Variants in KIAA1217 observed in about 807,000 individuals in gnomAD.
KIAA1217 encodes the protein sickle tail protein homolog.
In KIAA1217, 88 loss-of-function variants were observed where a neutral mutation model predicts 163.9. That is an observed-to-expected ratio of 0.54 (90% CI 0.45 to 0.64). KIAA1217 has a LOEUF of 0.64. Among genes scored for constraint, KIAA1217 ranks in the 30% least tolerant of loss-of-function variants. The pLI is 0.00. For missense variants in KIAA1217, 2,372 were observed against 2,475.0 expected (o/e 0.96, Z 0.88); for synonymous variants, 903 against 923.1 (o/e 0.98, Z 0.39).
chr10:23,924,962 A>T (rs1448717184), intron 1 of KIAA1217, among the ~76,000 whole-genome samples: 2 of 152,012 alleles, frequency 1.3e-5, no homozygotes, highest in East Asian at 3.8e-4. Context: ...ACTTAAAAAA[A>T]AATCCAGTAG....
At chr10:24,101,204 G>A (rs1276353088) in intron 2 of KIAA1217, among the ~76,000 whole-genome samples, 1 of 152,206 alleles carries the variant, frequency 6.6e-6, no homozygotes, top group African/African-American at 2.4e-5. Context: ...AAGCACTCCT[G>A]TGTTAACAGC....
At chr10:24,175,912 A>G (rs1204101533) in intron 2 of KIAA1217, among the ~76,000 whole-genome samples, 1 of 152,194 alleles carries the variant, frequency 6.6e-6, no homozygotes, top group African/African-American at 2.4e-5. Context: ...GTTACAGCTC[A>G]TAAAGGCAGT....
In KIAA1217 at chr10:23,887,771, T is replaced by A. The variant is rs1253138836; in HGVS notation, c.-320-119454T>A. Among the ~76,000 whole-genome samples, 3 of 151,880 alleles carry A rather than the reference T, an allele frequency of 2.0e-5. No homozygotes were observed. The South Asian group carries it at 6.2e-4, about 31-fold the overall frequency. On this transcript the variant is annotated intron_variant, in intron 1 of 18. Transcript: ENST00000376462. ...GTCTCACTCTTTCCCCCAAGATGGA[T>A]TGCAGTGGCACAATCTCAGCTCACT...
chr10:24,371,317 A>G (rs1002643393), intron 2 of KIAA1217, among the ~76,000 whole-genome samples: 3 of 152,062 alleles, frequency 2.0e-5, no homozygotes, highest in Non-Finnish European at 2.9e-5. Flanking sequence ...TCTTCAAGGG[A>G]AAAAAAAGAA....
At chr10:23,811,979 G>A (rs192290128) in intron 1 of KIAA1217, among the ~76,000 whole-genome samples, 1 of 152,122 alleles carries the variant, frequency 6.6e-6, no homozygotes, top group African/African-American at 2.4e-5. Flanking sequence ...CAGCTGTTTG[G>A]GGGGCTGAGG....
chr10:24,035,083 G>A (rs998277468), intron 2 of KIAA1217, among the ~76,000 whole-genome samples: 2 of 152,220 alleles, frequency 1.3e-5, no homozygotes, highest in African/African-American at 2.4e-5. Flanking sequence ...GTCGAGAAGA[G>A]GGCAGATTCT....
At chr10:24,272,280 A>G (rs1248485211) in intron 2 of KIAA1217, among the ~76,000 whole-genome samples, 1 of 152,240 alleles carries the variant, frequency 6.6e-6, no homozygotes, top group Non-Finnish European at 1.5e-5. Flanking sequence ...ACTCTGGACT[A>G]GTAGCTAGGA....
chr10:23,832,266 A>G (rs1838241228), intron 1 of KIAA1217, among the ~76,000 whole-genome samples: 1 of 152,224 alleles, frequency 6.6e-6, no homozygotes, highest in Non-Finnish European at 1.5e-5. Context: ...TTACTGGTCT[A>G]TTATAAAGAT....
rs138629578 is a variant in KIAA1217, at chr10:24,440,234, G to A, written c.846+1755G>A. On this transcript the variant is annotated intron_variant, in intron 5 of 20. Transcript: ENST00000376454. Reference sequence around the variant, plus strand: ...AGTTATACTTTATGTGTAAACCAGAGCCACATGGAGACAGATTGAGTCATG... The same window carrying A: ...AGTTATACTTTATGTGTAAACCAGAACCACATGGAGACAGATTGAGTCATG... Among the ~76,000 whole-genome samples the A allele has an allele frequency of 8.7e-4, 132 of 152,316 alleles. 2 individuals are homozygous for A. The highest frequency in any genetic ancestry group is 3.0e-3 in the African/African-American group (125 of 41,566).
intron 2 of KIAA1217, among the ~76,000 whole-genome samples, chr10:24,024,592 A>G (rs1847864696): frequency 6.6e-6 from 1 of 151,666 alleles, no homozygotes; most frequent in South Asian, 2.1e-4. Flanking sequence ...CTAGTTGTAG[A>G]ATTGCTGGGT....
chr10:24,457,726 C>A lies in KIAA1217; in HGVS notation c.847-15502C>A, dbSNP rs567713860. On this transcript the variant is annotated intron_variant, in intron 5 of 20. Transcript: ENST00000376454. The stretch of plus-strand genomic sequence containing the variant: ...CCCTAATCATGAACTTTGAAAAGTG[C>A]TCCATAGATTACAAAGCATTTTCTT... 5.3e-5 allele frequency among the ~76,000 whole-genome samples: 8 copies of A among 152,236 alleles called. No individual in the cohort carries two copies. In the South Asian group the frequency reaches 1.5e-3, roughly 28 times the overall value.
chr10:24,463,326 G>A (rs1386133049), intron 5 of KIAA1217, among the ~76,000 whole-genome samples: 1 of 152,320 alleles, frequency 6.6e-6, no homozygotes, highest in East Asian at 1.9e-4. Context: ...GCTCAGTAGA[G>A]TTCCTCTGTC....
intron 2 of KIAA1217, among the ~76,000 whole-genome samples, chr10:24,333,221 C>T (rs1267433564): frequency 6.6e-6 from 1 of 152,024 alleles, no homozygotes; most frequent in Non-Finnish European, 1.5e-5. Context: ...AACGGGGTCT[C>T]GCCATATTGG....
At chr10:23,892,653 G>T (rs901494251) in intron 1 of KIAA1217, among the ~76,000 whole-genome samples, 9 of 151,908 alleles carry the variant, frequency 5.9e-5, no homozygotes, top group Admixed American at 5.9e-4. Context: ...TTTGCACAGT[G>T]TAGCTCATTT....
chr10:24,374,973 C>T (rs1184178234), intron 2 of KIAA1217, among the ~76,000 whole-genome samples: 1 of 152,062 alleles, frequency 6.6e-6, no homozygotes, highest in Non-Finnish European at 1.5e-5. Context: ...TTTGTAGAGA[C>T]AGAGTCTCAA....
chr10:24,352,662 A>T (rs149952775), intron 2 of KIAA1217, among the ~76,000 whole-genome samples: 2 of 152,268 alleles, frequency 1.3e-5, no homozygotes, highest in African/African-American at 4.8e-5. Context: ...CTGCTTCTTG[A>T]TGACAGGCAA....
At chr10:23,944,712 G>A (rs542168043) in intron 1 of KIAA1217, among the ~76,000 whole-genome samples, 10 of 152,118 alleles carry the variant, frequency 6.6e-5, no homozygotes, top group Non-Finnish European at 1.0e-4. Context: ...AACTGGAACC[G>A]TCATGCATTG....
intron 2 of KIAA1217, among the ~76,000 whole-genome samples, chr10:24,038,661 G>A (rs976301037): frequency 9.9e-5 from 15 of 151,984 alleles, no homozygotes; most frequent in African/African-American, 1.2e-4. Flanking sequence ...TGCTAGCACC[G>A]GCACAGGGAA....
intron 2 of KIAA1217, among the ~76,000 whole-genome samples, chr10:24,114,627 C>T (rs889369632): frequency 3.3e-5 from 5 of 152,206 alleles, no homozygotes; most frequent in South Asian, 2.1e-4. Context: ...TGAACAGACA[C>T]GAGAAATTAA....
Sources: allele counts gnomAD v4.1 joint callset (sites outside exome capture counted in the v4.1 genomes callset), GRCh38; gene constraint gnomAD v4.1.1; transcripts MANE v1.5; gene names NCBI Gene and HGNC (gene_info 2026-07-23, HGNC 2026-07-21).